Variants in FAM76B observed in about 807,000 individuals in gnomAD.
FAM76B encodes protein FAM76B.
A neutral mutation model predicts 51.8 loss-of-function variants in FAM76B; 16 were observed. The observed-to-expected ratio is 0.31, with a 90% CI of 0.21 to 0.47. The LOEUF is 0.47. Ranked by LOEUF, FAM76B falls within the 20% of genes least tolerant of loss-of-function variation. The pLI, the probability that FAM76B is intolerant of heterozygous loss-of-function variation, is 1.00. For synonymous variants in FAM76B, 166 were observed against 129.5 expected, an observed-to-expected ratio of 1.28 and a Z score of -1.91; for missense variants, 342 against 392.6, an observed-to-expected ratio of 0.87 and a Z score of 1.09.
At chr11:95,789,250 G>T in intron 1 of FAM76B, 142 bp downstream of exon 1, 4 of 1,002,242 alleles carry the variant, frequency 4.0e-6, no homozygotes, top group African/African-American at 1.6e-5. Context: ...AGAAAAAGGG[G>T]TCCCCGAGTG....
At position 95,783,071 on chromosome 11, in the gene FAM76B, T is replaced by C. The variant is rs1591021057; in HGVS notation, c.557A>G (p.His186Arg). Residue 186 changes from histidine (H) to arginine (R), a missense_variant, in exon 5 of 10, where the codon CAT (histidine) becomes CGT (arginine). Around this residue, in one of 3 missense-constraint regions of FAM76B, gnomAD observed 230 missense variants for 257.4 expected, o/e 0.89. Coordinates refer to ENST00000358780, the MANE Select transcript of FAM76B (RefSeq NM_144664.5). ...HHHHHRHSSSHHKISNLSPEE... is the reference protein window; with the variant it reads ...HHHHHRHSSSRHKISNLSPEE... ...ATGATTTCAAAGTACTTACTTGTGATGGCTACTGCTGTGACGATGGTGATG... is the reference window on the plus strand; with the variant it reads ...ATGATTTCAAAGTACTTACTTGTGACGGCTACTGCTGTGACGATGGTGATG... The C allele has an allele frequency of 1.2e-6, 2 of 1,613,796 alleles. No individual in the cohort carries two copies. The highest frequency in any genetic ancestry group is 1.7e-6 in the Non-Finnish European group (2 of 1,179,838).
intron 2 of FAM76B, 136 bp downstream of exon 2, chr11:95,788,363 A>C (rs1860720423): frequency 1.4e-6 from 1 of 702,590 alleles, no homozygotes; most frequent in Non-Finnish European, 2.4e-6. Context: ...CATGTATAAA[A>C]GGTTTACAAC....
At chr11:95,785,443 C>G (rs115921905) in intron 4 of FAM76B, among the ~76,000 whole-genome samples, 2,970 of 152,216 alleles carry the variant, frequency 0.02, 47 homozygotes, top group South Asian at 0.064. Context: ...AAAATAAAAC[C>G]AAGTTTTTAT....
intron 9 of FAM76B, 36 bp from the exon 10 acceptor site, chr11:95,771,686 T>A: frequency 6.6e-7 from 1 of 1,515,524 alleles, no homozygotes; most frequent in Non-Finnish European, 9.1e-7. Flanking sequence ...TTAAAAATGT[T>A]TGAAATATTA....
rs1024555721 is a variant in FAM76B at position 95,770,323 on chromosome 11, T to C, written c.*1238A>G. ...ATTTACTTATAATGCCTGAATCTTA[T>C]AGTAGATTCCAATTTATTCAAAGAT... On this transcript the variant is annotated 3_prime_UTR_variant, in exon 10 of 10. Coordinates refer to ENST00000358780, the MANE Select transcript of FAM76B (RefSeq NM_144664.5). The C allele has an allele frequency of 5.9e-5, 9 of 151,856 alleles. No homozygotes were observed. The highest frequency in any genetic ancestry group is 1.9e-4 in the East Asian group (1 of 5,190). The allele number at this position is 151,856 out of a possible 1,614,324, so 9.4% of individuals were successfully genotyped here. A position where few individuals can be genotyped will look rare whatever the true frequency, so the allele number is the denominator to read the frequency against.
At chr11:95,783,443 G>T in intron 4 of FAM76B, among the ~76,000 whole-genome samples, 179 bp from the exon 5 acceptor site, 1 of 152,140 alleles carries the variant, frequency 6.6e-6, no homozygotes, top group East Asian at 1.9e-4. Flanking sequence ...TCTGAAACTT[G>T]AGAAAATACT....
intron 2 of FAM76B, 84 bp downstream of exon 2, chr11:95,788,415 A>C: frequency 8.9e-7 from 1 of 1,125,222 alleles, no homozygotes; most frequent in Non-Finnish European, 1.3e-6. Context: ...AAATACTTTC[A>C]TAAAAACATG....
chr11:95,788,988 G>A (rs1860788408), intron 1 of FAM76B: 1 of 1,352,540 alleles, frequency 7.4e-7, no homozygotes, highest in Non-Finnish European at 9.7e-7. Flanking sequence ...TGCGGCTTCG[G>A]GTTCCTAGCA....
At chr11:95,781,842 A>T (rs2120251830) in intron 5 of FAM76B, among the ~76,000 whole-genome samples, 1 of 152,280 alleles carries the variant, frequency 6.6e-6, no homozygotes, top group Admixed American at 6.5e-5. Context: ...ACATGGTAGA[A>T]TTAAACATCA....
At chr11:95,788,675 T>C in intron 1 of FAM76B, 112 bp from the exon 2 acceptor site, 1 of 1,262,386 alleles carries the variant, frequency 7.9e-7, no homozygotes, top group Admixed American at 2.4e-5. Context: ...TTATAAAACC[T>C]GGCCCCAACG....
Position 95,789,667 on chromosome 11 carries a change from T to G in FAM76B, c.-189A>C. On this transcript the variant is annotated 5_prime_UTR_variant, in exon 1 of 10. Transcript: ENST00000358780. ...CGCCACCGTCTCCCTCCGCCTCCACTTCCGCCCCAGCCCACCCAGTGACGC... is the reference window on the plus strand; with the variant it reads ...CGCCACCGTCTCCCTCCGCCTCCACGTCCGCCCCAGCCCACCCAGTGACGC... 2.3e-5 allele frequency: 12 copies of G among 515,378 alleles called. No homozygotes were observed. Among genetic ancestry groups the G allele is most frequent in the Admixed American group, 4.1e-5 (1 of 24,428 alleles). The allele number at this position is 515,378 out of a possible 1,614,324, so 31.9% of individuals were successfully genotyped here.
chr11:95,788,525 G>T lies in FAM76B; in HGVS notation c.126C>A (p.Tyr42Ter), dbSNP rs767261133. The T allele has an allele frequency of 6.2e-7, 1 of 1,612,846 alleles. No individual in the cohort carries two copies. Among genetic ancestry groups the T allele is most frequent in the Non-Finnish European group, 8.5e-7 (1 of 1,179,512 alleles). Residue 42 changes from tyrosine (Y) to a stop codon, truncating the protein, a stop_gained, in exon 2 of 10, where the codon TAC becomes TAA. Coordinates refer to ENST00000358780, the MANE Select transcript of FAM76B (RefSeq NM_144664.5). LOFTEE classifies it high-confidence loss of function. ...TCTCTTGTTGAAATTCTGATCTGCA[G>T]TAAGTACATTTTACAATAGGATGTG... Reference protein sequence around the residue: ...RIAHPIVKCTYCRSEFQQESK... With the variant: ...RIAHPIVKCT
At chr11:95,772,384 C>T (rs996636742) in intron 9 of FAM76B, among the ~76,000 whole-genome samples, 4 of 151,226 alleles carry the variant, frequency 2.6e-5, no homozygotes, top group African/African-American at 9.7e-5. Flanking sequence ...AAATGTCCAT[C>T]CATCACTAGT....
At chr11:95,786,826 C>T (rs1039137648) in intron 3 of FAM76B, 1 of 152,236 alleles carries the variant, frequency 6.6e-6, no homozygotes, top group African/African-American at 2.4e-5. Flanking sequence ...TGATTCAGGG[C>T]AGTTTAGAGC....
At position 95,770,008 on chromosome 11, in the gene FAM76B, T is replaced by C. The variant is rs1306695491; in HGVS notation, c.*1553A>G. ...AGAAAGCCAATCTTTGATATGACATTCACAATCAATGCTTGTATAAAACAA... is the reference window on the plus strand; with the variant it reads ...AGAAAGCCAATCTTTGATATGACATCCACAATCAATGCTTGTATAAAACAA... On this transcript the variant is annotated 3_prime_UTR_variant, in exon 10 of 10. Transcript: ENST00000358780. 6.6e-6 allele frequency: 1 copy of C among 151,590 alleles called. No homozygotes were observed. The highest frequency in any genetic ancestry group is 1.5e-5 in the Non-Finnish European group (1 of 67,614). The allele number at this position is 151,590 out of a possible 1,614,324, so 9.4% of individuals were successfully genotyped here.
At chr11:95,776,512 T>C (rs1860014387) in intron 8 of FAM76B, among the ~76,000 whole-genome samples, 1 of 151,506 alleles carries the variant, frequency 6.6e-6, no homozygotes, top group Non-Finnish European at 1.5e-5. Flanking sequence ...TTTCATTTTT[T>C]AATTTATGTC....
intron 1 of FAM76B, 122 bp from the exon 2 acceptor site, chr11:95,788,685 G>A (rs1016947139): frequency 3.4e-5 from 41 of 1,218,100 alleles, no homozygotes; most frequent in Middle Eastern, 1.9e-4. Context: ...TGGCCCCAAC[G>A]TAAAGAACTG....
intron 2 of FAM76B, 22 bp downstream of exon 2, chr11:95,788,476 CA>C: frequency 1.3e-6 from 2 of 1,567,502 alleles, no homozygotes; most frequent in Non-Finnish European, 8.8e-7. Flanking sequence ...CTTTAACAGT[CA>C]AAAACTATTC....
At chr11:95,784,272 C>T (rs1451595146) in intron 4 of FAM76B, among the ~76,000 whole-genome samples, 1 of 152,042 alleles carries the variant, frequency 6.6e-6, no homozygotes, top group Non-Finnish European at 1.5e-5. Flanking sequence ...GAACAACACA[C>T]ATTAGGGCCT....
Sources: gnomAD v4.1 joint callset for allele counts (sites outside exome capture counted in the v4.1 genomes callset) on GRCh38, gnomAD v4.1.1 for gene constraint, gnomAD v4.1.1 regional missense constraint, MANE v1.5 for transcripts, NCBI Gene and HGNC (gene_info 2026-07-23, HGNC 2026-07-21) for gene names.